Variants in JAZF1 observed in about 807,000 individuals in gnomAD.
JAZF1 encodes juxtaposed with another zinc finger protein 1.
A neutral mutation model predicts 26.4 loss-of-function variants in JAZF1; 8 were observed. The observed-to-expected ratio is 0.30, with a 90% CI of 0.18 to 0.55. The LOEUF (loss-of-function observed/expected upper bound fraction) is 0.55. Among genes scored for constraint, JAZF1 ranks in the 20% least tolerant of loss-of-function variants. The probability of loss-of-function intolerance (pLI) is 0.94; values close to 1 mark genes in which losing one functional copy is unlikely to be tolerated. For synonymous variants in JAZF1, 126 were observed against 122.3 expected (o/e 1.03, Z -0.20); for missense variants, 199 against 322.0 (o/e 0.62, Z 2.92).
chr7:27,944,433 C>T (rs1469442638), intron 2 of JAZF1, among the ~76,000 whole-genome samples: 3 of 152,212 alleles, frequency 2.0e-5, no homozygotes, highest in Non-Finnish European at 4.4e-5. Context: ...CTTGTTGACA[C>T]ATTTTACTGA....
intron 3 of JAZF1, among the ~76,000 whole-genome samples, chr7:27,883,359 T>A (rs1323055431): frequency 6.6e-6 from 1 of 152,216 alleles, no homozygotes; most frequent in Non-Finnish European, 1.5e-5. Context: ...TTATGGGAAT[T>A]CTTAACAGTG....
At chr7:28,049,101 T>C in intron 1 of JAZF1, among the ~76,000 whole-genome samples, 1 of 139,446 alleles carries the variant, frequency 7.2e-6, no homozygotes, top group East Asian at 2.4e-4. Context: ...CTTTCTTTCT[T>C]TGACAGATTC....
intron 2 of JAZF1, among the ~76,000 whole-genome samples, chr7:27,927,867 G>A (rs1197177438): frequency 6.6e-6 from 1 of 152,092 alleles, no homozygotes; most frequent in Non-Finnish European, 1.5e-5. Flanking sequence ...CTAGAGGCAA[G>A]AATTTCTTCC....
intron 1 of JAZF1, among the ~76,000 whole-genome samples, chr7:28,035,313 CAAAAAAAAAA>C (rs201602870): frequency 0.09 from 2,466 of 27,486 alleles, 220 homozygotes; most frequent in East Asian, 0.52. Flanking sequence ...GACTCCATCT[CAAAAAAAAAA>C]AAAAAAAAAA....
intron 1 of JAZF1, among the ~76,000 whole-genome samples, chr7:28,125,117 A>C (rs1782673872): frequency 6.6e-6 from 1 of 151,516 alleles, no homozygotes; most frequent in Non-Finnish European, 1.5e-5. Flanking sequence ...CCACACTGAG[A>C]AGGTGCAATT....
rs527823379 is a variant in JAZF1, at chr7:27,850,662, C to T, written c.386-9795G>A. Among the ~76,000 whole-genome samples the T allele has an allele frequency of 9.9e-5, 15 of 152,280 alleles. No individual in the cohort carries two copies. In the South Asian group the frequency reaches 3.1e-3, roughly 32 times the overall value. ...ATAACACAGCTTCAACTCTTGACTCCCTCTAATCTTTTTTAAAAAATTACG... is the reference window on the plus strand; with the variant it reads ...ATAACACAGCTTCAACTCTTGACTCTCTCTAATCTTTTTTAAAAAATTACG... On this transcript the variant is annotated intron_variant, in intron 3 of 4. Transcript: ENST00000283928.
At chr7:27,938,676 T>A (rs1784794955) in intron 2 of JAZF1, among the ~76,000 whole-genome samples, 1 of 152,200 alleles carries the variant, frequency 6.6e-6, no homozygotes, top group African/African-American at 2.4e-5. Flanking sequence ...GTTGGTTGCT[T>A]TTAATGATTT....
chr7:27,986,638 T>TCCCC (rs1785715287), intron 2 of JAZF1, among the ~76,000 whole-genome samples: 4 of 100,672 alleles, frequency 4.0e-5, no homozygotes, highest in Non-Finnish European at 7.5e-5. Flanking sequence ...GGGCTCTCCC[T>TCCCC]CCCCCTCCCC....
chr7:28,079,045 A>G lies in JAZF1; in HGVS notation c.116-87064T>C, dbSNP rs192232307. Among the ~76,000 whole-genome samples, 354 of 151,468 alleles carry G rather than the reference A, an allele frequency of 2.3e-3. 3 individuals carry two copies. The highest frequency in any genetic ancestry group is 3.2e-3 in the Non-Finnish European group (220 of 67,906). ...GCTCTGTTGCCCAGGCTGGAGTGCAAGTGGCGTGATCTCTGCTCACTGCAA... is the reference window on the plus strand; with the variant it reads ...GCTCTGTTGCCCAGGCTGGAGTGCAGGTGGCGTGATCTCTGCTCACTGCAA... On this transcript the variant is annotated intron_variant, in intron 1 of 4. Coordinates refer to ENST00000283928, the MANE Select transcript of JAZF1 (RefSeq NM_175061.4).
chr7:27,930,678 T>G (rs1281448823), intron 2 of JAZF1, among the ~76,000 whole-genome samples: 1 of 152,210 alleles, frequency 6.6e-6, no homozygotes, highest in Non-Finnish European at 1.5e-5. Context: ...TTTTAGACAC[T>G]TTCATAAAAA....
chr7:28,178,006 C>T (rs1783573734), intron 1 of JAZF1, among the ~76,000 whole-genome samples: 1 of 152,172 alleles, frequency 6.6e-6, no homozygotes. Flanking sequence ...AGTGTTTGTT[C>T]ATTTTAACAT....
intron 1 of JAZF1, among the ~76,000 whole-genome samples, chr7:28,128,294 C>A (rs1583575588): frequency 6.6e-6 from 1 of 152,242 alleles, no homozygotes; most frequent in East Asian, 1.9e-4. Context: ...AAGGCCGAGG[C>A]AGGTGGATCA....
intron 2 of JAZF1, among the ~76,000 whole-genome samples, chr7:27,977,092 A>G (rs550262695): frequency 6.6e-6 from 1 of 152,190 alleles, no homozygotes; most frequent in African/African-American, 2.4e-5. Context: ...TAAATCCAAC[A>G]TCTGGGCTAT....
At position 27,961,750 on chromosome 7, in the gene JAZF1, A is replaced by G. The variant is rs1449538436; in HGVS notation, c.188+30159T>C. Among the ~76,000 whole-genome samples, 4 of 152,244 alleles carry G rather than the reference A, an allele frequency of 2.6e-5. No individual in the cohort carries two copies. In the East Asian group the frequency reaches 7.7e-4, roughly 29 times the overall value. ...CAATATAAAACAAGGAAACATTGTC[A>G]TTTAAACAGTTCCAGTAGGAGCTCC... On this transcript the variant is annotated intron_variant, in intron 2 of 4. Coordinates refer to ENST00000283928, the MANE Select transcript of JAZF1 (RefSeq NM_175061.4).
chr7:27,922,671 T>TG (rs931733587), intron 2 of JAZF1, among the ~76,000 whole-genome samples: 5 of 138,142 alleles, frequency 3.6e-5, no homozygotes, highest in South Asian at 2.3e-4. Flanking sequence ...CTTTTAATAA[T>TG]GGGTTTTTTT....
At chr7:27,944,181 T>C (rs1350469821) in intron 2 of JAZF1, among the ~76,000 whole-genome samples, 1 of 152,178 alleles carries the variant, frequency 6.6e-6, no homozygotes, top group Non-Finnish European at 1.5e-5. Flanking sequence ...GAACTACATC[T>C]TGCCGAACCC....
chr7:28,153,372 A>G (rs142238905), intron 1 of JAZF1, among the ~76,000 whole-genome samples: 148 of 152,368 alleles, frequency 9.7e-4, no homozygotes, highest in African/African-American at 3.4e-3. Flanking sequence ...CCTAAAGTCT[A>G]TATTTAGAAT....
intron 3 of JAZF1, among the ~76,000 whole-genome samples, chr7:27,857,342 G>A (rs1024849889): frequency 1.1e-4 from 16 of 152,324 alleles, no homozygotes; most frequent in African/African-American, 3.6e-4. Flanking sequence ...CCCGGAACTC[G>A]TGCTGGCCTG....
At chr7:28,176,248 G>A (rs896678664) in intron 1 of JAZF1, among the ~76,000 whole-genome samples, 1 of 152,206 alleles carries the variant, frequency 6.6e-6, no homozygotes, top group African/African-American at 2.4e-5. Context: ...GCAAAGCTGA[G>A]GATCCTAACA....
Sources: gnomAD v4.1 joint callset for allele counts (sites outside exome capture counted in the v4.1 genomes callset) on GRCh38, gnomAD v4.1.1 for gene constraint, MANE v1.5 for transcripts, NCBI Gene and HGNC (gene_info 2026-07-23, HGNC 2026-07-21) for gene names.